Variants in RBM20 observed in about 807,000 individuals in gnomAD.
The protein encoded by RBM20 is RNA-binding protein 20.
Under a neutral mutation model 110.1 loss-of-function variants are expected in RBM20, and 51 were observed. The observed-to-expected ratio is 0.46, with a 90% CI of 0.37 to 0.59. The LOEUF (loss-of-function observed/expected upper bound fraction) is 0.59. RBM20 is among the 20% of genes least tolerant of loss of function. The pLI is 0.00. For missense variants in RBM20, 1,512 were observed against 1,574.9 expected, an observed-to-expected ratio of 0.96 and a Z score of 0.68; for synonymous variants, 589 against 618.2, an observed-to-expected ratio of 0.95 and a Z score of 0.70.
chr10:110,700,876 A>G (rs185345097), intron 1 of RBM20, among the ~76,000 whole-genome samples: 1 of 152,288 alleles, frequency 6.6e-6, no homozygotes, highest in African/African-American at 2.4e-5. Flanking sequence ...TTAGCCAGCC[A>G]TGATAGCGGG....
rs115117591 is a variant in RBM20 at position 110,740,933 on chromosome 10, T to A, written c.192-39868T>A. On this transcript the variant is annotated intron_variant, in intron 1 of 13. Coordinates refer to ENST00000369519, the MANE Select transcript of RBM20 (RefSeq NM_001134363.3). The stretch of plus-strand genomic sequence containing the variant: ...TGGTGTTGGATGCTTCTGTCCAGGG[T>A]AACATGGCTCTCATTACCTGGGCTT... 7.2e-3 allele frequency among the ~76,000 whole-genome samples: 1,089 copies of A among 152,242 alleles called. 11 individuals are homozygous for A. Among genetic ancestry groups the A allele is most frequent in the African/African-American group, 0.025 (1,048 of 41,514 alleles).
Position 110,784,705 on chromosome 10 carries a change from C to T in RBM20, c.1430-87C>T. Reference sequence around the variant, plus strand: ...TAATAATATGTGAAGGGGAAAGGTTCAGTTTTCTATGCCTGCTTATGTCCT... The same window carrying T: ...TAATAATATGTGAAGGGGAAAGGTTTAGTTTTCTATGCCTGCTTATGTCCT... On this transcript the variant is annotated intron_variant, in intron 4 of 13. Coordinates refer to ENST00000369519, the MANE Select transcript of RBM20 (RefSeq NM_001134363.3). 3.4e-6 allele frequency: 3 copies of T among 876,150 alleles called. No homozygotes were observed. The South Asian group carries it at 4.3e-5, about 13-fold the overall frequency. The allele number at this position is 876,150 out of a possible 1,614,324, so 54.3% of individuals were successfully genotyped here.
chr10:110,799,690 T>G, intron 6 of RBM20, 97 bp from the exon 7 acceptor site: 1 of 1,254,482 alleles, frequency 8.0e-7, no homozygotes, highest in Non-Finnish European at 1.1e-6. Flanking sequence ...GTTTTGCCTG[T>G]TCTTGAACTT....
chr10:110,826,468 T>C (rs1844982104), intron 12 of RBM20, among the ~76,000 whole-genome samples: 1 of 152,184 alleles, frequency 6.6e-6, no homozygotes, highest in Non-Finnish European at 1.5e-5. Context: ...TTGCATTTTC[T>C]AGAGTTTTAT....
intron 1 of RBM20, among the ~76,000 whole-genome samples, chr10:110,669,673 T>C (rs537279028): frequency 7.9e-5 from 12 of 152,358 alleles, no homozygotes; most frequent in South Asian, 2.1e-4. Context: ...CCTCCAGCTT[T>C]GGCCTCCCAA....
chr10:110,803,156 A>C (rs747072758), intron 7 of RBM20, among the ~76,000 whole-genome samples: 1 of 152,228 alleles, frequency 6.6e-6, no homozygotes, highest in South Asian at 2.1e-4. Context: ...TCCTGACATC[A>C]GTCCTGTTAG....
At chr10:110,673,992 C>A (rs1456650254) in intron 1 of RBM20, among the ~76,000 whole-genome samples, 1 of 152,172 alleles carries the variant, frequency 6.6e-6, no homozygotes. Context: ...GAGGGTGTAT[C>A]TTCCTGAGGC....
At chr10:110,776,705 A>C (rs1844269411) in intron 1 of RBM20, among the ~76,000 whole-genome samples, 1 of 152,250 alleles carries the variant, frequency 6.6e-6, no homozygotes, top group African/African-American at 2.4e-5. Context: ...AAGATCTTTA[A>C]TTCAATCATG....
intron 1 of RBM20, among the ~76,000 whole-genome samples, chr10:110,767,208 G>C (rs1285576681): frequency 3.9e-5 from 5 of 126,750 alleles, no homozygotes; most frequent in Non-Finnish European, 6.9e-5. Context: ...TGGCCGGGCG[G>C]GGGGGCTGAC....
Position 110,820,173 on chromosome 10 carries a change from G to C in RBM20, c.2652G>C (p.Lys884Asn), listed in dbSNP as rs1844890217. 6.5e-7 allele frequency: 1 copy of C among 1,548,852 alleles called. No homozygotes were observed. Among genetic ancestry groups the C allele is most frequent in the African/African-American group, 1.4e-5 (1 of 72,994 alleles). The change falls in exon 10 of 14, where the codon AAG becomes AAC. Residue 884 changes from lysine (K) to asparagine (N), a missense_variant. Physicochemically the swap from Lys to Asn is moderately conservative, Grantham distance 94. Transcript: ENST00000369519. ...EFSDPENTRT[K>N]KEQDWESESE... is the part of the protein sequence containing the mutation. ...CTGATCCGGAAAACACAAGGACAAA[G>C]AAGGTAAAGTTTGTTTCAGATTCTG...
At chr10:110,706,828 A>C in intron 1 of RBM20, among the ~76,000 whole-genome samples, 1 of 152,078 alleles carries the variant, frequency 6.6e-6, no homozygotes, top group East Asian at 1.9e-4. Flanking sequence ...CCTCCTCCTC[A>C]TACTGATAAT....
intron 1 of RBM20, among the ~76,000 whole-genome samples, chr10:110,682,285 G>C (rs1445970113): frequency 6.6e-6 from 1 of 152,174 alleles, no homozygotes; most frequent in African/African-American, 2.4e-5. Context: ...GAATATGACA[G>C]TACCTCAGTC....
At chr10:110,651,239 T>G (rs1443299168) in intron 1 of RBM20, among the ~76,000 whole-genome samples, 1 of 152,194 alleles carries the variant, frequency 6.6e-6, no homozygotes, top group East Asian at 1.9e-4. Context: ...TCAATTAAAT[T>G]TAGCCATGGA....
chr10:110,668,193 C>T (rs913833210), intron 1 of RBM20, among the ~76,000 whole-genome samples: 16 of 152,180 alleles, frequency 1.1e-4, no homozygotes, highest in South Asian at 1.0e-3. Context: ...CAATTACTGA[C>T]GTATGCCAAG....
chr10:110,672,797 T>A (rs1421005970), intron 1 of RBM20, among the ~76,000 whole-genome samples: 1 of 152,256 alleles, frequency 6.6e-6, no homozygotes, highest in Non-Finnish European at 1.5e-5. Context: ...ATACTTAGTA[T>A]AGAGCAGTAG....
chr10:110,706,501 G>C (rs747705385), intron 1 of RBM20, among the ~76,000 whole-genome samples: 1 of 152,176 alleles, frequency 6.6e-6, no homozygotes. Context: ...GAAATGCAAC[G>C]GTTCTGTTTA....
chr10:110,806,389 C>T (rs12255072), intron 7 of RBM20, among the ~76,000 whole-genome samples: 251 of 152,224 alleles, frequency 1.6e-3, no homozygotes, highest in Middle Eastern at 6.8e-3. Flanking sequence ...AACTTACAGT[C>T]GTGGCAGAAG....
In RBM20 at chr10:110,653,429, T is replaced by C. The variant is rs115850447; in HGVS notation, c.191+8784T>C. Among the ~76,000 whole-genome samples the C allele has an allele frequency of 5.6e-3, 856 of 152,362 alleles. 7 individuals carry two copies. Among genetic ancestry groups the C allele is most frequent in the African/African-American group, 0.019 (793 of 41,580 alleles). On this transcript the variant is annotated intron_variant, in intron 1 of 13. Coordinates refer to ENST00000369519, the MANE Select transcript of RBM20 (RefSeq NM_001134363.3). ...TATTTGAAAGTAATTTGCATAACTATAATTTTGTTATCATAGCTCAGGAAA... is the reference window on the plus strand; with the variant it reads ...TATTTGAAAGTAATTTGCATAACTACAATTTTGTTATCATAGCTCAGGAAA...
intron 1 of RBM20, among the ~76,000 whole-genome samples, chr10:110,709,229 A>G (rs994147714): frequency 2.0e-5 from 3 of 152,112 alleles, no homozygotes; most frequent in South Asian, 2.1e-4. Flanking sequence ...ACAATGTGGC[A>G]TGGCTAATGC....
Sources: gnomAD v4.1 joint callset for allele counts (sites outside exome capture counted in the v4.1 genomes callset) on GRCh38, gnomAD v4.1.1 for gene constraint, MANE v1.5 for transcripts, NCBI Gene and HGNC (gene_info 2026-07-23, HGNC 2026-07-21) for gene names.